The following DRC11 variants were observed in gnomAD, a reference collection of about 807,000 sequenced individuals.
DRC11 encodes the protein dynein regulatory complex subunit 11, also known as IQ and AAA domain-containing protein 1.
At chr2:236,446,606 T>C in the DRC11 span, among the ~76,000 whole-genome samples, 3 of 152,210 alleles carry the variant, frequency 2.0e-5, no homozygotes, top group Non-Finnish European at 2.9e-5. This position sits in a 1 kb window ranked among gnomAD's most constrained non-coding sequence, Gnocchi z 6.2. Flanking sequence ...AGGCTGTCCT[T>C]TGGATGCTTG....
the DRC11 span, among the ~76,000 whole-genome samples, chr2:236,492,398 T>A: frequency 6.6e-6 from 1 of 152,180 alleles, no homozygotes; most frequent in South Asian, 2.1e-4. Context: ...TCACCTCTCT[T>A]CTGAGGCAGG....
chr2:236,469,513 T>G, the DRC11 span, among the ~76,000 whole-genome samples: 1 of 152,254 alleles, frequency 6.6e-6, no homozygotes, highest in Admixed American at 6.5e-5. This position sits in a 1 kb window ranked among gnomAD's most constrained non-coding sequence, Gnocchi z 5.8. Flanking sequence ...CGTCATTCCA[T>G]GTTAATGAAG....
At chr2:236,497,323 A>G in the DRC11 span, 1 of 1,613,966 alleles carries the variant, frequency 6.2e-7, no homozygotes, top group Non-Finnish European at 8.5e-7. This position sits in a 1 kb window ranked among gnomAD's most constrained non-coding sequence, Gnocchi z 5.1. Context: ...CTGGTCGTAG[A>G]CATTCTCTAG....
At chr2:236,506,725 C>T in the DRC11 span, among the ~76,000 whole-genome samples, 1 of 152,192 alleles carries the variant, frequency 6.6e-6, no homozygotes, top group Non-Finnish European at 1.5e-5. The surrounding 1 kb of genome is among the most constrained non-coding windows in gnomAD (Gnocchi z 4.9). Context: ...ATTATTCTTA[C>T]GAAGACCAAA....
the DRC11 span, chr2:236,380,495 G>C: frequency 2.0e-5 from 23 of 1,152,656 alleles, no homozygotes; most frequent in African/African-American, 2.9e-4. This position sits in a 1 kb window ranked among gnomAD's most constrained non-coding sequence, Gnocchi z 4.9. Flanking sequence ...CACAGAGGGG[G>C]CGTACTCGGG....
chr2:236,372,804 G>C, the DRC11 span, among the ~76,000 whole-genome samples: 1 of 151,928 alleles, frequency 6.6e-6, no homozygotes, highest in Admixed American at 6.6e-5. The surrounding 1 kb of genome is among the most constrained non-coding windows in gnomAD (Gnocchi z 4.5). Flanking sequence ...GTAGAAAAAG[G>C]GTCTTGCTAT....
chr2:236,420,822 C>T, the DRC11 span, among the ~76,000 whole-genome samples: 1 of 152,078 alleles, frequency 6.6e-6, no homozygotes, highest in Non-Finnish European at 1.5e-5. The surrounding 1 kb of genome is among the most constrained non-coding windows in gnomAD (Gnocchi z 4.8). Flanking sequence ...AAAAACAAAA[C>T]AAAACAGACA....
the DRC11 span, among the ~76,000 whole-genome samples, chr2:236,479,014 G>A: frequency 6.6e-6 from 1 of 151,930 alleles, no homozygotes; most frequent in South Asian, 2.1e-4. The surrounding 1 kb of genome is among the most constrained non-coding windows in gnomAD (Gnocchi z 4.1). Flanking sequence ...TAGTAGAGGC[G>A]GGGTTTCAAC....
the DRC11 span, among the ~76,000 whole-genome samples, chr2:236,438,437 G>T: frequency 6.7e-6 from 1 of 149,094 alleles, no homozygotes; most frequent in African/African-American, 2.5e-5. Context: ...CTCTTTTTTG[G>T]TTCCATATGA....
the DRC11 span, among the ~76,000 whole-genome samples, chr2:236,356,420 T>G: frequency 6.6e-6 from 1 of 152,156 alleles, no homozygotes; most frequent in Non-Finnish European, 1.5e-5. Flanking sequence ...GCCTTGCCCC[T>G]GTGTCTTGTG....
the DRC11 span, among the ~76,000 whole-genome samples, chr2:236,412,161 G>T: frequency 3.2e-4 from 49 of 152,292 alleles, no homozygotes; most frequent in African/African-American, 1.1e-3. Context: ...CTCCCCAAGT[G>T]CTGGATTATA....
the DRC11 span, among the ~76,000 whole-genome samples, chr2:236,382,283 C>T: frequency 6.6e-6 from 1 of 152,206 alleles, no homozygotes; most frequent in South Asian, 2.1e-4. Context: ...TCTAGGATCT[C>T]TGTCCTGTTC....
At chr2:236,382,643 C>A in the DRC11 span, among the ~76,000 whole-genome samples, 1 of 152,154 alleles carries the variant, frequency 6.6e-6, no homozygotes, top group Admixed American at 6.6e-5. Flanking sequence ...TTTTAACATA[C>A]AAGTCCTATA....
the DRC11 span, among the ~76,000 whole-genome samples, chr2:236,380,006 TA>T: frequency 6.6e-6 from 1 of 152,290 alleles, no homozygotes; most frequent in Non-Finnish European, 1.5e-5. The surrounding 1 kb of genome is among the most constrained non-coding windows in gnomAD (Gnocchi z 4.9). Flanking sequence ...GGATTTTAAT[TA>T]AATTCCTTGA....
the DRC11 span, among the ~76,000 whole-genome samples, chr2:236,402,581 C>T: frequency 6.6e-6 from 1 of 152,166 alleles, no homozygotes; most frequent in Non-Finnish European, 1.5e-5. The surrounding 1 kb of genome is among the most constrained non-coding windows in gnomAD (Gnocchi z 6.0). Context: ...GAACCGCAGC[C>T]CATAAACCAT....
At chr2:236,359,036 G>A in the DRC11 span, among the ~76,000 whole-genome samples, 1 of 151,656 alleles carries the variant, frequency 6.6e-6, no homozygotes. This position sits in a 1 kb window ranked among gnomAD's most constrained non-coding sequence, Gnocchi z 4.3. Context: ...AGTGAGAATG[G>A]CCCCCGCCCT....
the DRC11 span, among the ~76,000 whole-genome samples, chr2:236,434,833 T>TC: frequency 6.6e-6 from 1 of 152,234 alleles, no homozygotes; most frequent in Non-Finnish European, 1.5e-5. This position sits in a 1 kb window ranked among gnomAD's most constrained non-coding sequence, Gnocchi z 5.5. Context: ...TCTGGATGCT[T>TC]GCCATGGACT....
At chr2:236,506,598 C>G in the DRC11 span, among the ~76,000 whole-genome samples, 3 of 152,214 alleles carry the variant, frequency 2.0e-5, no homozygotes, top group Admixed American at 6.5e-5. This position sits in a 1 kb window ranked among gnomAD's most constrained non-coding sequence, Gnocchi z 4.9. Context: ...CTCTTCATCC[C>G]CAAGTTCCCT....
chr2:236,485,651 G>C, the DRC11 span, among the ~76,000 whole-genome samples: 7 of 152,340 alleles, frequency 4.6e-5, no homozygotes, highest in East Asian at 1.2e-3. Flanking sequence ...GGGGGTTTGA[G>C]AGCTGCCTCC....
Sources: gnomAD v4.1 joint callset for allele counts (sites outside exome capture counted in the v4.1 genomes callset) on GRCh38, gnomAD v4.1.1 for gene constraint, Gnocchi (gnomAD v3.1) non-coding constraint, MANE v1.5 for transcripts, NCBI Gene and HGNC (gene_info 2026-07-23, HGNC 2026-07-21) for gene names.